The following MBNL2 variants were observed in gnomAD, a reference collection of about 807,000 sequenced individuals.
MBNL2 encodes muscleblind like splicing regulator 2, also known as muscleblind-like protein 2.
A neutral mutation model predicts 41.9 loss-of-function variants in MBNL2; 17 were observed. The observed-to-expected ratio is 0.41, with a 90% CI of 0.28 to 0.61. The LOEUF is 0.61. MBNL2 is among the 20% of genes least tolerant of loss of function. The pLI is 0.35. For synonymous variants in MBNL2, 195 were observed against 182.9 expected, an observed-to-expected ratio of 1.07 and a Z score of -0.53; for missense variants, 336 against 505.6, an observed-to-expected ratio of 0.66 and a Z score of 3.22.
intron 3 of MBNL2, 54 bp from the exon 4 acceptor site, chr13:97,342,962 T>G (rs1442371286): frequency 1.9e-5 from 22 of 1,171,644 alleles, no homozygotes; most frequent in Non-Finnish European, 2.6e-5. Context: ...GCTGGTAATT[T>G]TTTAAAGTTT....
At chr13:97,187,211 G>A in the MBNL2 span, among the ~76,000 whole-genome samples, 1 of 152,006 alleles carries the variant, frequency 6.6e-6, no homozygotes, top group Non-Finnish European at 1.5e-5. Flanking sequence ...TTTCACAAAG[G>A]ACCCAGCCTT....
chr13:97,372,656 A>G (rs2064500747), intron 8 of MBNL2, among the ~76,000 whole-genome samples: 1 of 152,230 alleles, frequency 6.6e-6, no homozygotes, highest in African/African-American at 2.4e-5. Context: ...CTTATCAGAA[A>G]GATAACATGT....
chr13:97,158,232 A>G, the MBNL2 span, among the ~76,000 whole-genome samples: 19 of 151,636 alleles, frequency 1.3e-4, no homozygotes, highest in Non-Finnish European at 2.8e-4. Flanking sequence ...CTGTGGGATC[A>G]GTGGTGATAT....
chr13:97,278,541 G>A (rs538384031), intron 2 of MBNL2, among the ~76,000 whole-genome samples: 2 of 152,180 alleles, frequency 1.3e-5, no homozygotes, highest in South Asian at 2.1e-4. Context: ...GGGCAACAAC[G>A]CCTAGATCCT....
the MBNL2 span, among the ~76,000 whole-genome samples, chr13:97,191,367 T>A: frequency 6.7e-6 from 1 of 149,722 alleles, no homozygotes; most frequent in African/African-American, 2.5e-5. Context: ...AGATGAACTC[T>A]GGCCTTGAGG....
intron 8 of MBNL2, among the ~76,000 whole-genome samples, chr13:97,382,064 A>G (rs2065497006): frequency 6.6e-6 from 1 of 152,206 alleles, no homozygotes; most frequent in South Asian, 2.1e-4. Flanking sequence ...ACTTACTGTA[A>G]ATATTTTAAA....
the MBNL2 span, among the ~76,000 whole-genome samples, chr13:97,161,054 A>G: frequency 2.4e-4 from 37 of 151,616 alleles, no homozygotes; most frequent in Middle Eastern, 3.4e-3. Flanking sequence ...TGAGGAATTG[A>G]AAGCTGAAAG....
intron 8 of MBNL2, among the ~76,000 whole-genome samples, chr13:97,387,928 T>TA (rs2066060928): frequency 6.6e-6 from 1 of 152,100 alleles, no homozygotes; most frequent in Non-Finnish European, 1.5e-5. Context: ...TTCTCTGACT[T>TA]ACGCATACCC....
At chr13:97,349,423 A>T (rs1206376426) in intron 5 of MBNL2, among the ~76,000 whole-genome samples, 1 of 151,632 alleles carries the variant, frequency 6.6e-6, no homozygotes, top group Non-Finnish European at 1.5e-5. Context: ...TAGGAAGCAA[A>T]TTTTTTTTTC....
intron 2 of MBNL2, among the ~76,000 whole-genome samples, chr13:97,327,529 G>A (rs972447137): frequency 7.3e-6 from 1 of 136,608 alleles, no homozygotes; most frequent in African/African-American, 2.9e-5. Context: ...AGAAAATTGA[G>A]GCACAGGCAC....
chr13:97,374,586 G>T (rs1164697602), intron 8 of MBNL2, among the ~76,000 whole-genome samples: 1 of 151,170 alleles, frequency 6.6e-6, no homozygotes, highest in East Asian at 1.9e-4. Flanking sequence ...TAGAGACGGG[G>T]TTTACCATGT....
chr13:97,237,417 A>C (rs975941266), intron 1 of MBNL2, among the ~76,000 whole-genome samples: 1 of 152,190 alleles, frequency 6.6e-6, no homozygotes, highest in Non-Finnish European at 1.5e-5. Flanking sequence ...ATGAGGAGAA[A>C]ATTATTTCTT....
At chr13:97,273,346 G>A (rs1201850971) in intron 1 of MBNL2, among the ~76,000 whole-genome samples, 5 of 152,208 alleles carry the variant, frequency 3.3e-5, no homozygotes, top group African/African-American at 1.2e-4. Flanking sequence ...AGCTAGAGGT[G>A]CAGGTTGAGG....
At chr13:97,186,778 T>C in the MBNL2 span, among the ~76,000 whole-genome samples, 1 of 152,190 alleles carries the variant, frequency 6.6e-6, no homozygotes, top group Non-Finnish European at 1.5e-5. Flanking sequence ...GTTACTCTGA[T>C]GATAAAACTT....
At chr13:97,163,684 C>T in the MBNL2 span, among the ~76,000 whole-genome samples, 2 of 152,170 alleles carry the variant, frequency 1.3e-5, no homozygotes, top group East Asian at 3.9e-4. Context: ...TCCTCTCGCT[C>T]ACACGGCAGA....
the MBNL2 span, among the ~76,000 whole-genome samples, chr13:97,215,271 C>T: frequency 2.6e-5 from 4 of 152,190 alleles, no homozygotes; most frequent in African/African-American, 7.2e-5. Flanking sequence ...TGCCTTAGTG[C>T]CATGGTTCCC....
intron 2 of MBNL2, among the ~76,000 whole-genome samples, chr13:97,292,658 AAG>A (rs1167626756): frequency 1.3e-5 from 2 of 152,004 alleles, no homozygotes; most frequent in Non-Finnish European, 2.9e-5. Flanking sequence ...AAATTGTAGA[AAG>A]TGTTGTCGAT....
intron 1 of MBNL2, among the ~76,000 whole-genome samples, chr13:97,255,852 TC>T (rs2047426730): frequency 6.6e-6 from 1 of 152,188 alleles, no homozygotes; most frequent in South Asian, 2.1e-4. Flanking sequence ...CTAAAGTGCT[TC>T]CCTTTCTAAA....
At chr13:97,237,401 T>C (rs969448277) in intron 1 of MBNL2, among the ~76,000 whole-genome samples, 2 of 152,224 alleles carry the variant, frequency 1.3e-5, no homozygotes, top group Non-Finnish European at 2.9e-5. Context: ...GTATGAAAGA[T>C]AGTGGATGAG....
Sources: allele counts gnomAD v4.1 joint callset (sites outside exome capture counted in the v4.1 genomes callset), GRCh38; gene constraint gnomAD v4.1.1; transcripts MANE v1.5; gene names NCBI Gene and HGNC (gene_info 2026-07-23, HGNC 2026-07-21).